The following ARHGEF12 variants were observed in gnomAD, a reference collection of about 807,000 sequenced individuals.
ARHGEF12 encodes the protein Rho guanine nucleotide exchange factor 12.
Under a neutral mutation model 211.2 loss-of-function variants are expected in ARHGEF12, and 66 were observed. The observed-to-expected ratio is 0.31, with a 90% CI of 0.26 to 0.38. The LOEUF is 0.38. Ranked by LOEUF, ARHGEF12 falls within the 10% of genes least tolerant of loss-of-function variation. The pLI is 1.00. For synonymous variants in ARHGEF12, 592 were observed against 638.4 expected, an observed-to-expected ratio of 0.93 and a Z score of 1.09; for missense variants, 1,429 against 1,869.5, an observed-to-expected ratio of 0.76 and a Z score of 4.34.
At chr11:120,477,626 AGG>A in intron 36 of ARHGEF12, 100 bp downstream of exon 36, 2 of 1,084,878 alleles carry the variant, frequency 1.8e-6, no homozygotes, top group Non-Finnish European at 2.7e-6. Context: ...GTGCTTTGGG[AGG>A]TCGAGATAGG....
intron 4 of ARHGEF12, among the ~76,000 whole-genome samples, chr11:120,417,914 T>A (rs909229858): frequency 5.3e-5 from 8 of 152,218 alleles, no homozygotes; most frequent in African/African-American, 1.9e-4. Context: ...GAAGTAACAC[T>A]GAACAGATAA....
chr11:120,432,011 A>T (rs1221559425), intron 11 of ARHGEF12, 100 bp downstream of exon 11: 1 of 1,129,440 alleles, frequency 8.9e-7, no homozygotes, highest in Non-Finnish European at 1.2e-6. Flanking sequence ...GTGTCTTAGC[A>T]CTTTTTACCA....
chr11:120,476,751 A>T lies in ARHGEF12; in HGVS notation c.3365+3A>T. On this transcript the variant is annotated splice_donor_region_variant and intron_variant, in intron 34 of 40. Transcript: ENST00000397843. ...CAGACAGTTTCTGAAAAGACTGTGT[A>T]TGTATCAGATATGGCTACCTTGCTA... 6.2e-7 allele frequency: 1 copy of T among 1,601,776 alleles called. No homozygotes were observed. Among genetic ancestry groups the T allele is most frequent in the Non-Finnish European group, 8.5e-7 (1 of 1,170,632 alleles).
At position 120,469,250 on chromosome 11, in the gene ARHGEF12, C is replaced by T. The variant is rs1479492056; in HGVS notation, c.2855-38C>T. On this transcript the variant is annotated intron_variant, in intron 29 of 40. Coordinates refer to ENST00000397843, the MANE Select transcript of ARHGEF12 (RefSeq NM_015313.3). Reference sequence around the variant, plus strand: ...TACATATATTTTATGGTTTTTTGCTCAGTTCTTTTACATTTTGGATTTCTT... The same window carrying T: ...TACATATATTTTATGGTTTTTTGCTTAGTTCTTTTACATTTTGGATTTCTT... 62 of 1,488,104 alleles carry T rather than the reference C, an allele frequency of 4.2e-5. 1 individual carries two copies. In the East Asian group the frequency reaches 1.3e-3, roughly 32 times the overall value. The allele number at this position is 1,488,104 out of a possible 1,614,324, so 92.2% of individuals were successfully genotyped here.
chr11:120,449,818 C>G (rs986432430), intron 21 of ARHGEF12: 1 of 149,286 alleles, frequency 6.7e-6, no homozygotes, highest in Non-Finnish European at 1.5e-5. Context: ...TTCCATTCAA[C>G]TTGTGTTTGT....
At chr11:120,441,921 T>A (rs1158075035) in intron 14 of ARHGEF12, 104 bp downstream of exon 14, 1 of 1,090,718 alleles carries the variant, frequency 9.2e-7, no homozygotes, top group African/African-American at 1.6e-5. Flanking sequence ...CTTTCAGTTT[T>A]CCGTATAAAG....
chr11:120,436,890 GA>G (rs1035559405), intron 11 of ARHGEF12, among the ~76,000 whole-genome samples: 27 of 152,250 alleles, frequency 1.8e-4, no homozygotes, highest in African/African-American at 6.3e-4. Flanking sequence ...GCGAGTAACA[GA>G]ATAGTAGAAG....
intron 30 of ARHGEF12, among the ~76,000 whole-genome samples, chr11:120,472,484 C>A (rs1055466772): frequency 5.9e-5 from 9 of 151,962 alleles, no homozygotes; most frequent in African/African-American, 2.2e-4. Flanking sequence ...GCATGATTTA[C>A]ATATTCAGAA....
intron 1 of ARHGEF12, among the ~76,000 whole-genome samples, chr11:120,344,139 G>T (rs1316452124): frequency 2.6e-5 from 4 of 151,820 alleles, no homozygotes; most frequent in African/African-American, 9.7e-5. Context: ...GGTGGCACAT[G>T]CCTGTAATCC....
At chr11:120,391,789 T>G (rs893882381) in intron 1 of ARHGEF12, among the ~76,000 whole-genome samples, 2 of 152,216 alleles carry the variant, frequency 1.3e-5, no homozygotes, top group Non-Finnish European at 2.9e-5. Flanking sequence ...TTCTTCTTAT[T>G]TTTCTCTTTT....
intron 1 of ARHGEF12, among the ~76,000 whole-genome samples, chr11:120,343,576 A>G (rs1942601833): frequency 6.6e-6 from 1 of 152,234 alleles, no homozygotes; most frequent in East Asian, 1.9e-4. Flanking sequence ...ATTCATACCG[A>G]AACAGGATCT....
intron 7 of ARHGEF12, among the ~76,000 whole-genome samples, chr11:120,427,702 AT>A (rs1164620845): frequency 1.3e-5 from 2 of 152,094 alleles, no homozygotes; most frequent in Admixed American, 1.3e-4. Flanking sequence ...AAAAATTTAC[AT>A]TTAAGAAATT....
rs181506705 is a variant in ARHGEF12, at chr11:120,434,527, G to A, written c.924+2616G>A. On this transcript the variant is annotated intron_variant, in intron 11 of 40. Coordinates refer to ENST00000397843, the MANE Select transcript of ARHGEF12 (RefSeq NM_015313.3). ...TTTCAATTTTAAGTATGGAGGACCC[G>A]GTCTGCTTTTGTTGTTGTTTTAACA... Among the ~76,000 whole-genome samples, 74 of 152,228 alleles carry A rather than the reference G, an allele frequency of 4.9e-4. 2 individuals are homozygous for A. The East Asian group carries it at 0.013, about 26-fold the overall frequency.
chr11:120,483,139 T>C (rs1011979102), intron 39 of ARHGEF12, among the ~76,000 whole-genome samples: 2 of 152,160 alleles, frequency 1.3e-5, no homozygotes, highest in African/African-American at 4.8e-5. Context: ...ATAGATTTTT[T>C]CATATGGAAA....
At chr11:120,344,472 A>G (rs901123910) in intron 1 of ARHGEF12, among the ~76,000 whole-genome samples, 6 of 151,980 alleles carry the variant, frequency 3.9e-5, no homozygotes, top group Admixed American at 6.6e-5. Flanking sequence ...TTATCTGCCT[A>G]TGTTCCAGAC....
At chr11:120,416,663 C>CT (rs962261688) in intron 4 of ARHGEF12, among the ~76,000 whole-genome samples, 39 of 149,416 alleles carry the variant, frequency 2.6e-4, no homozygotes, top group Admixed American at 6.0e-4. Flanking sequence ...AATTGATCCT[C>CT]TTTTTTTTTT....
intron 1 of ARHGEF12, among the ~76,000 whole-genome samples, chr11:120,345,798 T>C (rs1942701854): frequency 6.7e-6 from 1 of 148,384 alleles, no homozygotes; most frequent in Non-Finnish European, 1.5e-5. Context: ...AAATTAACAA[T>C]GAATGGGGGA....
intron 1 of ARHGEF12, among the ~76,000 whole-genome samples, chr11:120,363,653 G>A (rs895036177): frequency 1.3e-5 from 2 of 152,180 alleles, no homozygotes; most frequent in African/African-American, 2.4e-5. Flanking sequence ...TTGCTAACCA[G>A]CAAGATAATG....
intron 1 of ARHGEF12, among the ~76,000 whole-genome samples, chr11:120,364,043 A>C (rs578239677): frequency 5.3e-5 from 8 of 152,268 alleles, no homozygotes; most frequent in Admixed American, 5.2e-4. Flanking sequence ...TCCTGGGCTT[A>C]AGTGATCCTC....
Sources: gnomAD v4.1 joint callset for allele counts (sites outside exome capture counted in the v4.1 genomes callset) on GRCh38, gnomAD v4.1.1 for gene constraint, MANE v1.5 for transcripts, NCBI Gene and HGNC (gene_info 2026-07-23, HGNC 2026-07-21) for gene names.